CDH12: variants seen among roughly 807,000 people sequenced by gnomAD.
CDH12 encodes cadherin-12.
Under a neutral mutation model 74.1 loss-of-function variants are expected in CDH12, and 41 were observed. The observed-to-expected ratio is 0.55, with a 90% CI of 0.43 to 0.72. The LOEUF (loss-of-function observed/expected upper bound fraction) is 0.72. Ranked by LOEUF, CDH12 falls within the 30% of genes least tolerant of loss-of-function variation. The pLI is 0.00. For missense variants in CDH12, 945 were observed against 977.2 expected (o/e 0.97, Z 0.44); for synonymous variants, 399 against 355.0 (o/e 1.12, Z -1.39).
At chr5:22,286,678 CTTTT>C (rs56379593) in intron 3 of CDH12, among the ~76,000 whole-genome samples, 6 of 145,790 alleles carry the variant, frequency 4.1e-5, no homozygotes, top group Non-Finnish European at 3.0e-5. Flanking sequence ...TCTTTCTTTC[CTTTT>C]TTTTTTTTTT....
intron 3 of CDH12, among the ~76,000 whole-genome samples, chr5:22,279,071 T>C (rs1224950757): frequency 6.6e-6 from 1 of 152,140 alleles, no homozygotes; most frequent in Non-Finnish European, 1.5e-5. Context: ...TAATTATAGA[T>C]AAATATTTAC....
chr5:21,824,140 C>T (rs1748527146), intron 8 of CDH12, among the ~76,000 whole-genome samples: 1 of 152,122 alleles, frequency 6.6e-6, no homozygotes, highest in Admixed American at 6.6e-5. Flanking sequence ...CAATTAGAGC[C>T]AGCAGCAGAT....
chr5:22,259,497 T>A (rs1310864298), intron 3 of CDH12, among the ~76,000 whole-genome samples: 2 of 152,048 alleles, frequency 1.3e-5, no homozygotes, highest in African/African-American at 4.8e-5. Flanking sequence ...TCAGTAGCCA[T>A]CGTTCTAATT....
chr5:22,592,679 A>AC (rs1736397466), intron 1 of CDH12, among the ~76,000 whole-genome samples: 2 of 83,120 alleles, frequency 2.4e-5, no homozygotes, highest in South Asian at 4.4e-4. Context: ...CTCCCCCTCC[A>AC]CCCCCCACCA....
At chr5:22,174,126 T>C (rs1280439973) in intron 4 of CDH12, among the ~76,000 whole-genome samples, 3 of 151,984 alleles carry the variant, frequency 2.0e-5, no homozygotes, top group African/African-American at 4.8e-5. Context: ...TCTCATTCTA[T>C]AGATGACAAG....
chr5:22,320,762 T>C (rs1738840254), intron 3 of CDH12, among the ~76,000 whole-genome samples: 1 of 152,236 alleles, frequency 6.6e-6, no homozygotes, highest in Non-Finnish European at 1.5e-5. Flanking sequence ...CAACATTCTC[T>C]GAGGCTCTTA....
intron 11 of CDH12, among the ~76,000 whole-genome samples, chr5:21,777,298 A>C (rs1368663892): frequency 6.6e-6 from 1 of 152,088 alleles, no homozygotes; most frequent in Non-Finnish European, 1.5e-5. Context: ...TGTACATAAT[A>C]TCACACACAT....
At chr5:22,534,297 A>G (rs1329462489) in intron 1 of CDH12, among the ~76,000 whole-genome samples, 1 of 152,018 alleles carries the variant, frequency 6.6e-6, no homozygotes, top group Admixed American at 6.5e-5. Context: ...TGGTGCACCA[A>G]TCGCCGGAGC....
chr5:22,531,640 T>G (rs1330272797), intron 1 of CDH12, among the ~76,000 whole-genome samples: 1 of 152,114 alleles, frequency 6.6e-6, no homozygotes, highest in African/African-American at 2.4e-5. Flanking sequence ...ATAATGGTAT[T>G]TTTTATAAAA....
At chr5:22,788,332 T>C (rs535376584) in intron 1 of CDH12, among the ~76,000 whole-genome samples, 4 of 152,028 alleles carry the variant, frequency 2.6e-5, no homozygotes, top group Admixed American at 6.6e-5. Context: ...TTACTTTTGT[T>C]ACACAAAGGC....
chr5:22,625,364 T>C (rs1738232344), intron 1 of CDH12, among the ~76,000 whole-genome samples: 1 of 151,870 alleles, frequency 6.6e-6, no homozygotes, highest in Non-Finnish European at 1.5e-5. Flanking sequence ...AAGAGGCAAG[T>C]TGAACATGTG....
At chr5:22,007,713 C>G (rs1737049424) in intron 5 of CDH12, among the ~76,000 whole-genome samples, 1 of 152,112 alleles carries the variant, frequency 6.6e-6, no homozygotes, top group African/African-American at 2.4e-5. Context: ...AAACCTTCTC[C>G]CCATGGTTTC....
At chr5:22,411,181 A>G (rs1743155621) in intron 2 of CDH12, among the ~76,000 whole-genome samples, 1 of 152,048 alleles carries the variant, frequency 6.6e-6, no homozygotes, top group South Asian at 2.1e-4. Context: ...TATTTCACCT[A>G]TAAAAATCCA....
At chr5:22,764,254 T>A (rs1030931476) in intron 1 of CDH12, among the ~76,000 whole-genome samples, 1 of 151,904 alleles carries the variant, frequency 6.6e-6, no homozygotes, top group African/African-American at 2.4e-5. Context: ...ATATTTGAGA[T>A]ATTTTATGCC....
chr5:22,466,660 C>T (rs1002354616), intron 2 of CDH12, among the ~76,000 whole-genome samples: 2 of 150,982 alleles, frequency 1.3e-5, no homozygotes, highest in Non-Finnish European at 2.9e-5. Flanking sequence ...AATCCCTCAA[C>T]TATGTATGTA....
chr5:22,056,988 A>C (rs1740788073), intron 5 of CDH12, among the ~76,000 whole-genome samples: 1 of 152,154 alleles, frequency 6.6e-6, no homozygotes, highest in Admixed American at 6.6e-5. Context: ...AGATGGAGTG[A>C]GCAGTTCTGC....
At chr5:22,260,791 G>A (rs191646656) in intron 3 of CDH12, among the ~76,000 whole-genome samples, 3 of 151,984 alleles carry the variant, frequency 2.0e-5, no homozygotes, top group East Asian at 1.9e-4. Context: ...GCTTTAAGAC[G>A]TTGACATATT....
At chr5:22,507,766 C>T (rs947625506) in intron 1 of CDH12, among the ~76,000 whole-genome samples, 3 of 152,148 alleles carry the variant, frequency 2.0e-5, no homozygotes, top group Admixed American at 2.0e-4. Flanking sequence ...GCAACAGAAA[C>T]TTATCCTCTC....
At chr5:21,959,756 A>G (rs1490183147) in intron 6 of CDH12, among the ~76,000 whole-genome samples, 1 of 129,784 alleles carries the variant, frequency 7.7e-6, no homozygotes, top group South Asian at 2.3e-4. Context: ...AAAATCCAAA[A>G]AAAAAAAAAA....
Sources: gnomAD v4.1 joint callset for allele counts (sites outside exome capture counted in the v4.1 genomes callset) on GRCh38, gnomAD v4.1.1 for gene constraint, MANE v1.5 for transcripts, NCBI Gene and HGNC (gene_info 2026-07-23, HGNC 2026-07-21) for gene names.